Variants in PDZRN4 observed in about 807,000 individuals in gnomAD.
PDZRN4 encodes the protein PDZ domain-containing RING finger protein 4.
A neutral mutation model predicts 99.0 loss-of-function variants in PDZRN4; 70 were observed. The observed-to-expected ratio is 0.71, with a 90% CI of 0.58 to 0.86. The LOEUF is 0.86. Among genes scored for constraint, PDZRN4 ranks in the 40% least tolerant of loss-of-function variants. The probability of loss-of-function intolerance (pLI) is 0.00; values close to 1 mark genes in which losing one functional copy is unlikely to be tolerated. For missense variants in PDZRN4, 1,474 were observed against 1,331.2 expected (o/e 1.11, Z -1.67); for synonymous variants, 551 against 501.6 (o/e 1.10, Z -1.32).
intron 3 of PDZRN4, among the ~76,000 whole-genome samples, chr12:41,238,340 C>G (rs1455495164): frequency 6.6e-6 from 1 of 151,990 alleles, no homozygotes; most frequent in Admixed American, 6.6e-5. Flanking sequence ...TGAGACTTTG[C>G]AGAAGTTGCT....
intron 3 of PDZRN4, among the ~76,000 whole-genome samples, chr12:41,366,644 T>C (rs1952002397): frequency 1.3e-5 from 2 of 152,160 alleles, no homozygotes; most frequent in South Asian, 4.2e-4. Flanking sequence ...ACTTCAGCAA[T>C]AAAATGGGTA....
intron 3 of PDZRN4, among the ~76,000 whole-genome samples, chr12:41,422,787 C>A (rs1313974441): frequency 6.6e-6 from 1 of 152,122 alleles, no homozygotes; most frequent in African/African-American, 2.4e-5. Flanking sequence ...CAAACCATAT[C>A]AAAAACCATT....
intron 5 of PDZRN4, among the ~76,000 whole-genome samples, chr12:41,551,040 T>C (rs928518047): frequency 1.3e-5 from 2 of 152,314 alleles, no homozygotes; most frequent in East Asian, 1.9e-4. Flanking sequence ...TTTGTCTTTG[T>C]ACATTTGGGC....
At chr12:41,411,359 G>A (rs1446547881) in intron 3 of PDZRN4, among the ~76,000 whole-genome samples, 1 of 152,108 alleles carries the variant, frequency 6.6e-6, no homozygotes, top group Non-Finnish European at 1.5e-5. Flanking sequence ...TGAAAAGGAA[G>A]GAGAAAGATG....
intron 3 of PDZRN4, among the ~76,000 whole-genome samples, chr12:41,268,758 A>G (rs1369787754): frequency 6.6e-6 from 1 of 152,196 alleles, no homozygotes; most frequent in Non-Finnish European, 1.5e-5. Flanking sequence ...AGCAATGTTA[A>G]TATTATTCTA....
chr12:41,493,900 ATG>A (rs1491265374), intron 3 of PDZRN4, among the ~76,000 whole-genome samples: 2 of 89,410 alleles, frequency 2.2e-5, no homozygotes, highest in Non-Finnish European at 4.8e-5. Flanking sequence ...TAAAAAAATA[ATG>A]GGGGGGGGGA....
rs747380631 is a variant in PDZRN4, at chr12:41,573,207, G to A, written c.2428G>A (p.Val810Ile). The stretch of plus-strand genomic sequence containing the variant: ...TTGTAGCGCTGAAAGCAAGGAGAAG[G>A]TTTTAGAAGGCAGCAAGCTTCCTGA... The part of the protein sequence containing the change: ...QGCSAESKEK[V>I]LEGSKLPDQE... The change falls in exon 10 of 10, where the codon GTT (valine) becomes ATT (isoleucine). Residue 810 changes from valine (V) to isoleucine (I), a missense_variant. Physicochemically the swap from Val to Ile is conservative, Grantham distance 29. Transcript: ENST00000402685. 1.1e-4 allele frequency: 173 copies of A among 1,614,026 alleles called. No individual in the cohort carries two copies. Among genetic ancestry groups the A allele is most frequent in the Non-Finnish European group, 1.4e-4 (167 of 1,180,028 alleles).
chr12:41,206,820 G>A (rs545872115), intron 3 of PDZRN4, among the ~76,000 whole-genome samples: 1 of 151,762 alleles, frequency 6.6e-6, no homozygotes, highest in East Asian at 1.9e-4. Context: ...ATCTTACCTG[G>A]TTTTCTCTCG....
At chr12:41,354,027 G>A (rs778118173) in intron 3 of PDZRN4, among the ~76,000 whole-genome samples, 1 of 152,018 alleles carries the variant, frequency 6.6e-6, no homozygotes, top group East Asian at 1.9e-4. Context: ...TTTGAGAGAC[G>A]GTAACTAGAA....
chr12:41,435,179 C>T (rs577619134), intron 3 of PDZRN4, among the ~76,000 whole-genome samples: 14 of 152,222 alleles, frequency 9.2e-5, no homozygotes, highest in African/African-American at 2.2e-4. Flanking sequence ...AAGAAAACAG[C>T]CAGGAGGAGC....
chr12:41,360,592 A>G (rs530439061), intron 3 of PDZRN4, among the ~76,000 whole-genome samples: 67 of 152,206 alleles, frequency 4.4e-4, no homozygotes, highest in African/African-American at 1.5e-3. Context: ...AAATTATCAT[A>G]GAACACTGCA....
At chr12:41,449,169 A>G (rs1051318025) in intron 3 of PDZRN4, among the ~76,000 whole-genome samples, 1 of 152,188 alleles carries the variant, frequency 6.6e-6, no homozygotes, top group Admixed American at 6.5e-5. Flanking sequence ...ATAAGTTATA[A>G]TACTCCTCAA....
intron 3 of PDZRN4, among the ~76,000 whole-genome samples, chr12:41,219,324 AAGATT>A (rs752103135): frequency 1.3e-5 from 2 of 152,098 alleles, no homozygotes; most frequent in Non-Finnish European, 2.9e-5. Flanking sequence ...GAGTTCAGTC[AAGATT>A]AGAGGTGAGA....
intron 3 of PDZRN4, among the ~76,000 whole-genome samples, chr12:41,241,678 G>C (rs1038227098): frequency 2.6e-5 from 4 of 152,128 alleles, no homozygotes; most frequent in African/African-American, 4.8e-5. Flanking sequence ...TACACACACA[G>C]ACATTTTTTT....
intron 3 of PDZRN4, among the ~76,000 whole-genome samples, chr12:41,430,299 T>A (rs1007746240): frequency 6.6e-6 from 1 of 152,110 alleles, no homozygotes; most frequent in East Asian, 1.9e-4. Context: ...GAAATCCCTG[T>A]CTCTACTAAA....
At chr12:41,530,308 G>C (rs1938639456) in intron 5 of PDZRN4, among the ~76,000 whole-genome samples, 1 of 152,140 alleles carries the variant, frequency 6.6e-6, no homozygotes, top group Non-Finnish European at 1.5e-5. Flanking sequence ...TGCCACATAA[G>C]TTTGTAGCTC....
intron 3 of PDZRN4, among the ~76,000 whole-genome samples, chr12:41,457,550 T>C (rs1952826628): frequency 1.3e-5 from 2 of 152,220 alleles, no homozygotes; most frequent in African/African-American, 4.8e-5. Flanking sequence ...CTCTTCCTTT[T>C]TTTAGCTATA....
At chr12:41,457,453 A>T (rs1204890075) in intron 3 of PDZRN4, among the ~76,000 whole-genome samples, 1 of 152,138 alleles carries the variant, frequency 6.6e-6, no homozygotes, top group African/African-American at 2.4e-5. Flanking sequence ...TTTCTTTTAG[A>T]TTTTCTAGCA....
intron 3 of PDZRN4, among the ~76,000 whole-genome samples, chr12:41,452,628 C>G (rs1189261988): frequency 6.6e-6 from 1 of 151,958 alleles, no homozygotes; most frequent in Admixed American, 6.5e-5. Context: ...GATATAGAGA[C>G]CCACAGAGTC....
Sources: allele counts gnomAD v4.1 joint callset (sites outside exome capture counted in the v4.1 genomes callset), GRCh38; gene constraint gnomAD v4.1.1; transcripts MANE v1.5; gene names NCBI Gene and HGNC (gene_info 2026-07-23, HGNC 2026-07-21).